CREB3L2: variants seen among roughly 807,000 people sequenced by gnomAD.
The protein encoded by CREB3L2 is cAMP responsive element binding protein 3 like 2, also known as cyclic AMP-responsive element-binding protein 3-like protein 2.
CREB3L2 carries 23 observed loss-of-function variants against 57.2 expected under a neutral mutation model. The ratio of observed to expected loss-of-function variants is 0.40; its 90% CI spans 0.29 to 0.57. The LOEUF is 0.57. Ranked by LOEUF, CREB3L2 falls within the 20% of genes least tolerant of loss-of-function variation. The probability of loss-of-function intolerance (pLI) is 0.42; values close to 1 mark genes in which losing one functional copy is unlikely to be tolerated. For synonymous variants in CREB3L2, 268 were observed against 265.1 expected (o/e 1.01, Z -0.11); for missense variants, 628 against 634.7 (o/e 0.99, Z 0.11).
At chr7:137,905,443 C>T (rs780562733) in intron 6 of CREB3L2, among the ~76,000 whole-genome samples, 3 of 148,328 alleles carry the variant, frequency 2.0e-5, no homozygotes, top group Non-Finnish European at 4.4e-5. Context: ...TCCTCCCACC[C>T]GTAAATGTAT....
At position 138,001,829 on chromosome 7, in the gene CREB3L2, G is replaced by C; in HGVS notation, c.-124C>G. Reference sequence around the variant, plus strand: ...GCGTGTGTGCGCGCGCGTGTCTGTAGTTTTGCACTTGGAAAGCAAACGTCT... The same window carrying C: ...GCGTGTGTGCGCGCGCGTGTCTGTACTTTTGCACTTGGAAAGCAAACGTCT... On this transcript the variant is annotated 5_prime_UTR_variant, in exon 1 of 12. Transcript: ENST00000330387. The surrounding 1 kb of genome is among the most constrained non-coding windows in gnomAD (Gnocchi z 4.2). 1 of 627,046 alleles carries C rather than the reference G, an allele frequency of 1.6e-6. No homozygotes were observed. The highest frequency in any genetic ancestry group is 3.3e-5 in the East Asian group (1 of 30,728). The allele number at this position is 627,046 out of a possible 1,614,324, so 38.8% of individuals were successfully genotyped here.
At chr7:137,936,068 C>T in intron 1 of CREB3L2, 1 of 317,964 alleles carries the variant, frequency 3.1e-6, no homozygotes, top group Non-Finnish European at 4.6e-6. Flanking sequence ...GTTCAAATAA[C>T]TGGCTGCATA....
At chr7:137,978,322 A>G (rs113122889) in intron 1 of CREB3L2, among the ~76,000 whole-genome samples, 18 of 152,304 alleles carry the variant, frequency 1.2e-4, no homozygotes, top group African/African-American at 4.1e-4. Flanking sequence ...TGTATTTCTA[A>G]CATCTTTTGA....
rs1453594076 is a variant in CREB3L2, at chr7:137,939,018, T to G, written c.103-10652A>C. ...AAATTCAATCTGCCTACTTCTTGGC[T>G]TATTTACACATATAGCTGCAAATAC... On this transcript the variant is annotated intron_variant, in intron 1 of 11. Coordinates refer to ENST00000330387, the MANE Select transcript of CREB3L2 (RefSeq NM_194071.4). 2.0e-5 allele frequency among the ~76,000 whole-genome samples: 3 copies of G among 152,370 alleles called. No individual in the cohort carries two copies. In the East Asian group the frequency reaches 5.8e-4, roughly 29 times the overall value.
intron 1 of CREB3L2, among the ~76,000 whole-genome samples, chr7:137,972,771 A>AG (rs1491136394): frequency 7.7e-6 from 1 of 130,530 alleles, no homozygotes; most frequent in Non-Finnish European, 1.6e-5. Context: ...AGAGAGAGAG[A>AG]AAAGAAAAAG....
chr7:137,980,144 G>A lies in CREB3L2; in HGVS notation c.102+21460C>T, dbSNP rs1011891662. ...TGTGACAAACTCCCAGGAGATGAATGTTGCCAGACCATGGACCATGCTTTG... is the reference window on the plus strand; with the variant it reads ...TGTGACAAACTCCCAGGAGATGAATATTGCCAGACCATGGACCATGCTTTG... On this transcript the variant is annotated intron_variant, in intron 1 of 11. Coordinates refer to ENST00000330387, the MANE Select transcript of CREB3L2 (RefSeq NM_194071.4). This position sits in a 1 kb window ranked among gnomAD's most constrained non-coding sequence, Gnocchi z 4.3. Among the ~76,000 whole-genome samples, 2 of 152,218 alleles carry A rather than the reference G, an allele frequency of 1.3e-5. No homozygotes were observed. The highest frequency in any genetic ancestry group is 2.9e-5 in the Non-Finnish European group (2 of 68,044).
chr7:137,948,746 G>C (rs1184499742), intron 1 of CREB3L2, among the ~76,000 whole-genome samples: 1 of 152,122 alleles, frequency 6.6e-6, no homozygotes, highest in Non-Finnish European at 1.5e-5. Context: ...TCATGAAAAC[G>C]AATTGACCAT....
intron 1 of CREB3L2, among the ~76,000 whole-genome samples, chr7:137,979,491 T>C (rs9969127): frequency 0.15 from 23,528 of 152,052 alleles, 2,365 homozygotes; most frequent in African/African-American, 0.29. Flanking sequence ...TTTGGGAGGC[T>C]GAGGCGGGCG....
chr7:137,887,012 T>C (rs1799434331), intron 8 of CREB3L2, among the ~76,000 whole-genome samples: 1 of 152,076 alleles, frequency 6.6e-6, no homozygotes, highest in African/African-American at 2.4e-5. Flanking sequence ...CCAGTGCATA[T>C]GGCAAAGTGG....
intron 1 of CREB3L2, among the ~76,000 whole-genome samples, chr7:137,930,714 A>G (rs553138472): frequency 6.6e-6 from 1 of 152,288 alleles, no homozygotes; most frequent in South Asian, 2.1e-4. Context: ...TATAGGCATG[A>G]TTGTCTATGA....
intron 8 of CREB3L2, among the ~76,000 whole-genome samples, chr7:137,892,443 G>T (rs1340725818): frequency 6.6e-6 from 1 of 151,732 alleles, no homozygotes; most frequent in African/African-American, 2.4e-5. Context: ...TTGAGGTCAG[G>T]AGTTCGAGAC....
chr7:137,920,202 C>T (rs1800242668), intron 2 of CREB3L2, among the ~76,000 whole-genome samples: 1 of 152,186 alleles, frequency 6.6e-6, no homozygotes, highest in Non-Finnish European at 1.5e-5. Context: ...TGATCCCCAC[C>T]CACAGCTTGG....
chr7:137,908,650 C>T (rs1799944059), intron 4 of CREB3L2, among the ~76,000 whole-genome samples: 1 of 152,044 alleles, frequency 6.6e-6, no homozygotes, highest in Non-Finnish European at 1.5e-5. Flanking sequence ...CAGAAAGAAA[C>T]ACTGGAAGTG....
At chr7:137,967,059 TTC>T (rs372958027) in intron 1 of CREB3L2, among the ~76,000 whole-genome samples, 3 of 152,044 alleles carry the variant, frequency 2.0e-5, no homozygotes, top group Non-Finnish European at 4.4e-5. Context: ...TCTCCCCTTC[TTC>T]TCTCTCTCTC....
chr7:137,878,220 C>T lies in CREB3L2; in HGVS notation c.*2256G>A. ...TAGAAGTTTCCTTTATCTTCTCCCT[C>T]CTCATTTAGAAGAGCACGTTTCCTA... On this transcript the variant is annotated 3_prime_UTR_variant, in exon 12 of 12. Transcript: ENST00000330387. The T allele has an allele frequency of 4.3e-6, 1 of 232,360 alleles. No homozygotes were observed. 14.4% of individuals were successfully genotyped at this position (232,360 alleles called of 1,614,324 possible). A position where few individuals can be genotyped will look rare whatever the true frequency, so the allele number is the denominator to read the frequency against.
chr7:137,995,276 T>G (rs910530889), intron 1 of CREB3L2, among the ~76,000 whole-genome samples: 2 of 151,780 alleles, frequency 1.3e-5, no homozygotes, highest in African/African-American at 4.8e-5. Context: ...CAAGGTCCAT[T>G]GAGGAACTGC....
At position 138,001,490 on chromosome 7, in the gene CREB3L2, G is replaced by A; in HGVS notation, c.102+114C>T. The A allele has an allele frequency of 1.4e-6, 1 of 717,994 alleles. No individual in the cohort carries two copies. The highest frequency in any genetic ancestry group is 2.4e-6 in the Non-Finnish European group (1 of 424,300). The allele number at this position is 717,994 out of a possible 1,614,324, so 44.5% of individuals were successfully genotyped here. A position where few individuals can be genotyped will look rare whatever the true frequency, so the allele number is the denominator to read the frequency against. On this transcript the variant is annotated intron_variant, in intron 1 of 11. Coordinates refer to ENST00000330387, the MANE Select transcript of CREB3L2 (RefSeq NM_194071.4). This position sits in a 1 kb window ranked among gnomAD's most constrained non-coding sequence, Gnocchi z 4.2. ...ACCTCGCCCAGGACCTCTTGATTCT[G>A]ACCATGCCCTGCCCCAAACCCTGCC...
chr7:137,985,895 C>T (rs559560418), intron 1 of CREB3L2, among the ~76,000 whole-genome samples: 3 of 152,284 alleles, frequency 2.0e-5, no homozygotes, highest in Admixed American at 2.0e-4. Context: ...CCCTAAATGC[C>T]TTTCACAATT....
At position 137,878,018 on chromosome 7, in the gene CREB3L2, C is replaced by T. The variant is rs1799197181; in HGVS notation, c.*2458G>A. On this transcript the variant is annotated 3_prime_UTR_variant, in exon 12 of 12. Transcript: ENST00000330387. The stretch of plus-strand genomic sequence containing the variant: ...GAGCAGTGATGTTGGTTCTTGGAGC[C>T]CCCTTAAAAGGGCCATCTGAGCTCT... 1 of 228,686 alleles carries T rather than the reference C, an allele frequency of 4.4e-6. No individual in the cohort carries two copies. The highest frequency in any genetic ancestry group is 8.7e-6 in the Non-Finnish European group (1 of 115,436). 14.2% of individuals were successfully genotyped at this position (228,686 alleles called of 1,614,324 possible).
Sources: gnomAD v4.1 joint callset for allele counts (sites outside exome capture counted in the v4.1 genomes callset) on GRCh38, gnomAD v4.1.1 for gene constraint, Gnocchi (gnomAD v3.1) non-coding constraint, MANE v1.5 for transcripts, NCBI Gene and HGNC (gene_info 2026-07-23, HGNC 2026-07-21) for gene names.